The following MIPOL1 variants were observed in gnomAD, a reference collection of about 807,000 sequenced individuals.
MIPOL1 encodes the protein mirror-image polydactyly 1, also known as mirror-image polydactyly gene 1 protein.
Under a neutral mutation model 60.9 loss-of-function variants are expected in MIPOL1, and 57 were observed. The observed-to-expected ratio is 0.94, with a 90% CI of 0.76 to 1.17. MIPOL1 has a LOEUF of 1.17. Ranked by LOEUF, MIPOL1 falls within the 50% of genes most tolerant of loss-of-function variation. MIPOL1 has a pLI of 0.00. For synonymous variants in MIPOL1, 179 were observed against 168.8 expected (o/e 1.06, Z -0.47); for missense variants, 551 against 511.6 (o/e 1.08, Z -0.74).
At chr14:37,305,519 A>C (rs1290256202) in intron 7 of MIPOL1, among the ~76,000 whole-genome samples, 1 of 151,828 alleles carries the variant, frequency 6.6e-6, no homozygotes, top group Non-Finnish European at 1.5e-5. Context: ...AGCCTAAAAT[A>C]ATTACTATTT....
chr14:37,429,642 T>C (rs2094024763), intron 11 of MIPOL1, among the ~76,000 whole-genome samples: 1 of 152,068 alleles, frequency 6.6e-6, no homozygotes, highest in Non-Finnish European at 1.5e-5. Flanking sequence ...TTAAAAGTCA[T>C]AGAAACCATA....
rs1041115304 is a variant in MIPOL1, at chr14:37,482,523, G to T, written c.1032-17385G>T. ...GGGGCCTCAGGAAATTTGCAATCAT[G>T]GCAAAAGGTAAAGGGGAAGCAAGGA... is the stretch of plus-strand genomic sequence containing the variant. On this transcript the variant is annotated intron_variant, in intron 11 of 12. Coordinates refer to ENST00000684589, the MANE Select transcript of MIPOL1 (RefSeq NM_001388067.1). Among the ~76,000 whole-genome samples, 14 of 152,210 alleles carry T rather than the reference G, an allele frequency of 9.2e-5. 1 individual carries two copies. Among genetic ancestry groups the T allele is most frequent in the African/African-American group, 3.4e-4 (14 of 41,540 alleles).
At chr14:37,470,192 T>C (rs946216326) in intron 11 of MIPOL1, among the ~76,000 whole-genome samples, 5 of 152,146 alleles carry the variant, frequency 3.3e-5, no homozygotes, top group Admixed American at 2.6e-4. Context: ...TGAAGAATGG[T>C]CACGTGGAGA....
At chr14:37,251,882 T>C (rs1321242229) in intron 3 of MIPOL1, among the ~76,000 whole-genome samples, 4 of 151,950 alleles carry the variant, frequency 2.6e-5, no homozygotes, top group Non-Finnish European at 5.9e-5. Flanking sequence ...TGCAATTTTG[T>C]AGGTAAAAAT....
intron 12 of MIPOL1, among the ~76,000 whole-genome samples, chr14:37,543,747 TC>T (rs1437277043): frequency 6.6e-6 from 1 of 152,238 alleles, no homozygotes; most frequent in Non-Finnish European, 1.5e-5. Context: ...CCTGCCTTCA[TC>T]CCATCTCTGC....
At chr14:37,490,547 A>C (rs1371875194) in intron 11 of MIPOL1, among the ~76,000 whole-genome samples, 2 of 152,106 alleles carry the variant, frequency 1.3e-5, no homozygotes, top group African/African-American at 4.8e-5. Context: ...ACGGCCACCC[A>C]GTTTTGTGCT....
At chr14:37,367,001 A>G (rs982966676) in intron 9 of MIPOL1, among the ~76,000 whole-genome samples, 1 of 151,980 alleles carries the variant, frequency 6.6e-6, no homozygotes, top group African/African-American at 2.4e-5. Flanking sequence ...TTTAGTGACA[A>G]ATTTAACAAT....
chr14:37,289,074 A>G (rs1202537943), intron 7 of MIPOL1, among the ~76,000 whole-genome samples: 1 of 152,204 alleles, frequency 6.6e-6, no homozygotes, highest in Non-Finnish European at 1.5e-5. Flanking sequence ...TCTTAACTTT[A>G]AAAGGATTGA....
rs2089449914 is a variant in MIPOL1 at position 37,329,080 on chromosome 14, AG to A, written c.828+20564del. The stretch of plus-strand genomic sequence containing the variant: ...TTTTTTTTATTATACTTTAAGTTTT[AG>A]GGTACAAAATTATAGTTTTAAAATA... On this transcript the variant is annotated intron_variant, in intron 9 of 12. Transcript: ENST00000684589. 2.0e-5 allele frequency among the ~76,000 whole-genome samples: 3 copies of A among 152,112 alleles called. No homozygotes were observed. The South Asian group carries it at 6.2e-4, about 31-fold the overall frequency.
chr14:37,276,221 A>T (rs2083647210), intron 6 of MIPOL1: 1 of 151,022 alleles, frequency 6.6e-6, no homozygotes, highest in Non-Finnish European at 1.5e-5. Context: ...TTCTCTTTAA[A>T]CATAGATTTC....
At chr14:37,322,738 CT>C (rs892344510) in intron 9 of MIPOL1, among the ~76,000 whole-genome samples, 57 of 152,106 alleles carry the variant, frequency 3.7e-4, no homozygotes, top group Admixed American at 7.9e-4. Context: ...TGATGATGAG[CT>C]TTTTTTCATG....
intron 1 of MIPOL1, among the ~76,000 whole-genome samples, chr14:37,216,134 G>A (rs577675173): frequency 6.6e-6 from 1 of 151,132 alleles, no homozygotes; most frequent in Non-Finnish European, 1.5e-5. Flanking sequence ...AACCAGAAAG[G>A]AGCTAGTTAT....
chr14:37,419,737 G>A (rs2153547646), intron 10 of MIPOL1, among the ~76,000 whole-genome samples: 1 of 151,760 alleles, frequency 6.6e-6, no homozygotes, highest in African/African-American at 2.4e-5. Flanking sequence ...ATGGGGTAGG[G>A]GATTTTTTTT....
At chr14:37,358,898 C>T (rs1357353038) in intron 9 of MIPOL1, among the ~76,000 whole-genome samples, 7 of 152,012 alleles carry the variant, frequency 4.6e-5, no homozygotes, top group East Asian at 3.9e-4. Context: ...TTAGTCATGA[C>T]GTCCTTGCCC....
chr14:37,374,398 A>G (rs1207508487), intron 10 of MIPOL1, among the ~76,000 whole-genome samples: 7 of 151,854 alleles, frequency 4.6e-5, no homozygotes, highest in Non-Finnish European at 1.0e-4. Flanking sequence ...ATTAGATCCC[A>G]TTTGTCTATT....
chr14:37,223,185 A>G (rs1349893176), intron 1 of MIPOL1, among the ~76,000 whole-genome samples: 1 of 151,720 alleles, frequency 6.6e-6, no homozygotes, highest in African/African-American at 2.4e-5. Flanking sequence ...AGCATGCGCC[A>G]CCACACCTGG....
intron 1 of MIPOL1, among the ~76,000 whole-genome samples, chr14:37,218,039 C>T (rs970940711): frequency 6.6e-6 from 1 of 152,004 alleles, no homozygotes; most frequent in Non-Finnish European, 1.5e-5. Context: ...CTTTTAGCTT[C>T]CTTTTTAGAA....
At chr14:37,294,727 G>C (rs6571802) in intron 7 of MIPOL1, among the ~76,000 whole-genome samples, 2 of 152,264 alleles carry the variant, frequency 1.3e-5, no homozygotes, top group African/African-American at 4.8e-5. Context: ...GATGAAATGA[G>C]TGAAATGAAG....
At chr14:37,223,706 G>A (rs1335362548) in intron 1 of MIPOL1, among the ~76,000 whole-genome samples, 1 of 152,048 alleles carries the variant, frequency 6.6e-6, no homozygotes, top group African/African-American at 2.4e-5. Context: ...GTTTCACCAT[G>A]GCCAGGCTGG....
Sources: allele counts gnomAD v4.1 joint callset (sites outside exome capture counted in the v4.1 genomes callset), GRCh38; gene constraint gnomAD v4.1.1; transcripts MANE v1.5; gene names NCBI Gene and HGNC (gene_info 2026-07-23, HGNC 2026-07-21).